PTPRN2: variants seen among roughly 807,000 people sequenced by gnomAD.
PTPRN2 encodes the protein protein tyrosine phosphatase receptor type N2.
Under a neutral mutation model 118.8 loss-of-function variants are expected in PTPRN2, and 74 were observed. That is an observed-to-expected ratio of 0.62 (90% confidence interval 0.52 to 0.76). The LOEUF (loss-of-function observed/expected upper bound fraction) is 0.76, where lower values mean the gene tolerates loss of function less well. Among genes scored for constraint, PTPRN2 ranks in the 30% least tolerant of loss-of-function variants. The pLI, the probability that PTPRN2 is intolerant of heterozygous loss-of-function variation, is 0.00. For synonymous variants in PTPRN2, 641 were observed against 608.0 expected (o/e 1.05, Z -0.80); for missense variants, 1,481 against 1,394.4 (o/e 1.06, Z -0.99).
chr7:158,190,005 C>T (rs769160503), intron 5 of PTPRN2, among the ~76,000 whole-genome samples: 6 of 152,242 alleles, frequency 3.9e-5, no homozygotes, highest in South Asian at 2.1e-4. Flanking sequence ...AGTGTCCTGG[C>T]GCCCTCTGAT....
intron 12 of PTPRN2, among the ~76,000 whole-genome samples, chr7:157,817,684 G>C (rs920472813): frequency 1.3e-5 from 2 of 152,234 alleles, no homozygotes; most frequent in Admixed American, 6.5e-5. Flanking sequence ...TGGGGTGAGG[G>C]GGCCAAGGAG....
In PTPRN2 at chr7:158,441,164, G is replaced by C. The variant is rs1289267642; in HGVS notation, c.163+48571C>G. Among the ~76,000 whole-genome samples, 10 of 150,616 alleles carry C rather than the reference G, an allele frequency of 6.6e-5. No homozygotes were observed. The East Asian group carries it at 9.7e-4, about 15-fold the overall frequency. On this transcript the variant is annotated intron_variant, in intron 2 of 22. Coordinates refer to ENST00000389418, the MANE Select transcript of PTPRN2 (RefSeq NM_002847.5). Reference sequence around the variant, plus strand: ...TAGTGATGGTGGTGATAGTGATGGTGATAGCAGTGGTGGCAGTGGTGGTGA... The same window carrying C: ...TAGTGATGGTGGTGATAGTGATGGTCATAGCAGTGGTGGCAGTGGTGGTGA...
In PTPRN2 at chr7:157,914,613, T is replaced by A. The variant is rs180701179; in HGVS notation, c.1724-15876A>T. 1.8e-3 allele frequency among the ~76,000 whole-genome samples: 272 copies of A among 151,936 alleles called. 1 individual carries two copies. The highest frequency in any genetic ancestry group is 6.2e-3 in the African/African-American group (257 of 41,350). On this transcript the variant is annotated intron_variant, in intron 11 of 22. Transcript: ENST00000389418. The stretch of plus-strand genomic sequence containing the variant: ...TCAATGTAGCTACCTTTTTTTTTTT[T>A]AAATTAGTATTTCCTTAGGAACTCC...
chr7:157,577,915 C>T, intron 18 of PTPRN2, 106 bp downstream of exon 18: 2 of 1,378,320 alleles, frequency 1.5e-6, no homozygotes, highest in Non-Finnish European at 1.9e-6. Context: ...CTGAGCCTCC[C>T]TGCATGCGGC....
rs1023022980 is a variant in PTPRN2, at chr7:158,242,712, C to T, written c.278-37439G>A. Among the ~76,000 whole-genome samples, 8 of 152,164 alleles carry T rather than the reference C, an allele frequency of 5.3e-5. No homozygotes were observed. The South Asian group carries it at 1.0e-3, about 20-fold the overall frequency. ...TTATTACTGATTCAATCTCCTTACT[C>T]GTTACAGTCTGTTTTTCTGTTTCTT... On this transcript the variant is annotated intron_variant, in intron 3 of 22. Transcript: ENST00000389418.
chr7:157,810,754 G>A (rs1378683386), intron 12 of PTPRN2, among the ~76,000 whole-genome samples: 6 of 146,076 alleles, frequency 4.1e-5, no homozygotes, highest in Admixed American at 2.7e-4. Context: ...CCACGGGGAC[G>A]GCGGGACTGC....
intron 6 of PTPRN2, among the ~76,000 whole-genome samples, chr7:158,150,913 G>A (rs1213758717): frequency 2.6e-5 from 4 of 151,784 alleles, no homozygotes; most frequent in African/African-American, 7.3e-5. Flanking sequence ...CAGCAAATGG[G>A]CCCCACACAA....
rs187523217 is a variant in PTPRN2 at position 157,560,871 on chromosome 7, C to T, written c.2902+8031G>A. Among the ~76,000 whole-genome samples, 623 of 152,308 alleles carry T rather than the reference C, an allele frequency of 4.1e-3. 5 individuals are homozygous for T. The highest frequency in any genetic ancestry group is 0.014 in the African/African-American group (599 of 41,572). ...TCAGCCAAACATAAAAGCGAGACGT[C>T]TCCTGCTCAGCTTTCCCAATTCTGC... is the stretch of plus-strand genomic sequence containing the variant. On this transcript the variant is annotated intron_variant, in intron 21 of 22. Coordinates refer to ENST00000389418, the MANE Select transcript of PTPRN2 (RefSeq NM_002847.5). This position sits in a 1 kb window ranked among gnomAD's most constrained non-coding sequence, Gnocchi z 6.7.
intron 6 of PTPRN2, among the ~76,000 whole-genome samples, chr7:158,145,365 C>G (rs1819835821): frequency 6.6e-6 from 1 of 152,206 alleles, no homozygotes; most frequent in Non-Finnish European, 1.5e-5. Flanking sequence ...CAAGACTTCC[C>G]TCACATCATC....
At chr7:157,973,578 C>T (rs1000187118) in intron 11 of PTPRN2, among the ~76,000 whole-genome samples, 13 of 152,130 alleles carry the variant, frequency 8.5e-5, no homozygotes, top group South Asian at 4.1e-4. Flanking sequence ...CAGCCACAGC[C>T]GGGTGGGGCT....
chr7:157,555,843 G>C (rs1200805891), intron 21 of PTPRN2, among the ~76,000 whole-genome samples: 1 of 152,208 alleles, frequency 6.6e-6, no homozygotes, highest in African/African-American at 2.4e-5. Flanking sequence ...ATGACGAATG[G>C]TGATTATTAA....
At chr7:158,522,932 C>T (rs1030719032) in intron 1 of PTPRN2, among the ~76,000 whole-genome samples, 4 of 152,200 alleles carry the variant, frequency 2.6e-5, no homozygotes, top group African/African-American at 9.7e-5. Context: ...GCAAAGATCA[C>T]CCAGAACTTG....
chr7:157,570,822 C>A (rs1325316288), intron 20 of PTPRN2, among the ~76,000 whole-genome samples: 1 of 152,140 alleles, frequency 6.6e-6, no homozygotes, highest in Non-Finnish European at 1.5e-5. Flanking sequence ...TGAGACAATG[C>A]AACAGGCTGA....
chr7:158,169,432 GT>G (rs1433027079), intron 5 of PTPRN2, among the ~76,000 whole-genome samples: 3 of 147,748 alleles, frequency 2.0e-5, no homozygotes, highest in African/African-American at 7.7e-5. Flanking sequence ...GTGTGTGTGT[GT>G]GTGTGTGTGT....
At chr7:158,508,447 G>T (rs1280059545) in intron 1 of PTPRN2, among the ~76,000 whole-genome samples, 1 of 152,136 alleles carries the variant, frequency 6.6e-6, no homozygotes, top group African/African-American at 2.4e-5. Context: ...GATGACAGAG[G>T]AGGAACAGGG....
chr7:158,520,596 C>A (rs1055591785), intron 1 of PTPRN2, among the ~76,000 whole-genome samples: 2 of 152,206 alleles, frequency 1.3e-5, no homozygotes, highest in Non-Finnish European at 2.9e-5. Flanking sequence ...TGGCTCCAAC[C>A]CCGACTTCCA....
chr7:158,376,760 G>A (rs1410795914), intron 2 of PTPRN2, among the ~76,000 whole-genome samples: 1 of 121,472 alleles, frequency 8.2e-6, no homozygotes, highest in Non-Finnish European at 1.7e-5. Flanking sequence ...GGGGGTCAGG[G>A]GACTCCCCTA....
In PTPRN2 at chr7:157,780,521, C is replaced by T. The variant is rs1803612410; in HGVS notation, c.1789-97584G>A. On this transcript the variant is annotated intron_variant, in intron 12 of 22. Transcript: ENST00000389418. This position sits in a 1 kb window ranked among gnomAD's most constrained non-coding sequence, Gnocchi z 4.5. ...TCCCCACAGGCAGCTCGACATGGTG[C>T]AGACCGTGGCAGCCAAGTCAGGCAT... Among the ~76,000 whole-genome samples, 1 of 152,162 alleles carries T rather than the reference C, an allele frequency of 6.6e-6. No homozygotes were observed.
intron 12 of PTPRN2, among the ~76,000 whole-genome samples, chr7:157,895,456 AAGT>A (rs1394319056): frequency 6.6e-6 from 1 of 152,242 alleles, no homozygotes; most frequent in African/African-American, 2.4e-5. Context: ...ACCATAAAAT[AAGT>A]AGGTTTAAAA....
Sources: gnomAD v4.1 joint callset for allele counts (sites outside exome capture counted in the v4.1 genomes callset) on GRCh38, gnomAD v4.1.1 for gene constraint, Gnocchi (gnomAD v3.1) non-coding constraint, MANE v1.5 for transcripts, NCBI Gene and HGNC (gene_info 2026-07-23, HGNC 2026-07-21) for gene names.